The following TMEM132C variants were observed in gnomAD, a reference collection of about 807,000 sequenced individuals.
The protein encoded by TMEM132C is protein phosphatase 1, regulatory subunit 152.
Under a neutral mutation model 61.4 loss-of-function variants are expected in TMEM132C, and 29 were observed. The observed-to-expected ratio is 0.47, with a 90% CI of 0.35 to 0.64. The LOEUF (loss-of-function observed/expected upper bound fraction) is 0.64, where lower values mean the gene tolerates loss of function less well. Ranked by LOEUF, TMEM132C falls within the 30% of genes least tolerant of loss-of-function variation. The pLI is 0.00. For missense variants in TMEM132C, 1,408 were observed against 1,476.9 expected (o/e 0.95, Z 0.76); for synonymous variants, 656 against 633.1 (o/e 1.04, Z -0.54).
In TMEM132C at chr12:128,584,317, C is replaced by T. The variant is rs114147196; in HGVS notation, c.1122-31835C>T. ...TCTATGCATGAAAGTTGCAATATCACTGGAGGACCCAGAGCACATGTCACC... is the reference window on the plus strand; with the variant it reads ...TCTATGCATGAAAGTTGCAATATCATTGGAGGACCCAGAGCACATGTCACC... On this transcript the variant is annotated intron_variant, in intron 3 of 8. Transcript: ENST00000435159. 4.6e-3 allele frequency among the ~76,000 whole-genome samples: 703 copies of T among 152,328 alleles called. 5 individuals are homozygous for T. The highest frequency in any genetic ancestry group is 0.016 in the African/African-American group (669 of 41,576).
chr12:128,467,188 T>G (rs1200511882), intron 2 of TMEM132C, among the ~76,000 whole-genome samples: 2 of 152,206 alleles, frequency 1.3e-5, no homozygotes, highest in Non-Finnish European at 2.9e-5. Flanking sequence ...TATTTATATG[T>G]GCCATCATCT....
At chr12:128,362,782 A>G (rs1873747043) in intron 1 of TMEM132C, among the ~76,000 whole-genome samples, 1 of 152,234 alleles carries the variant, frequency 6.6e-6, no homozygotes, top group South Asian at 2.1e-4. Flanking sequence ...CATAAAATGC[A>G]AAACAGTGCA....
In TMEM132C at chr12:128,705,720, C is replaced by A. The variant is rs555926148; in HGVS notation, c.2752C>A (p.Arg918=). The A allele has an allele frequency of 1.7e-5, 26 of 1,551,276 alleles. No individual in the cohort carries two copies. The highest frequency in any genetic ancestry group is 2.3e-5 in the Non-Finnish European group (26 of 1,146,964). ...LEENDLVQTP[R]GLSDLEIGMY... is the part of the protein sequence containing the mutation. ...GGAAAACGACCTGGTGCAGACTCCGCGGGGCCTGAGTGATCTGGAGATAGG... is the reference window on the plus strand; with the variant it reads ...GGAAAACGACCTGGTGCAGACTCCGAGGGGCCTGAGTGATCTGGAGATAGG... The change falls in exon 9 of 9, where the codon CGG becomes AGG. Residue 918 remains arginine, a synonymous_variant. Transcript: ENST00000435159.
chr12:128,328,770 G>A (rs898558319), intron 1 of TMEM132C, among the ~76,000 whole-genome samples: 1 of 130,564 alleles, frequency 7.7e-6, no homozygotes, highest in African/African-American at 3.0e-5. Flanking sequence ...CTGGGTGACA[G>A]AGCAAGATTC....
At chr12:128,481,838 C>T (rs543317474) in intron 2 of TMEM132C, among the ~76,000 whole-genome samples, 1 of 152,154 alleles carries the variant, frequency 6.6e-6, no homozygotes, top group African/African-American at 2.4e-5. Context: ...CCTGGTGGAG[C>T]CCCTATTTCC....
At chr12:128,388,571 C>T (rs1874663812) in intron 1 of TMEM132C, among the ~76,000 whole-genome samples, 1 of 152,158 alleles carries the variant, frequency 6.6e-6, no homozygotes, top group African/African-American at 2.4e-5. Flanking sequence ...GAGAAGGTGT[C>T]GCTGAGTCTG....
intron 3 of TMEM132C, among the ~76,000 whole-genome samples, chr12:128,599,275 A>T (rs1156691614): frequency 6.6e-6 from 1 of 152,176 alleles, no homozygotes; most frequent in Non-Finnish European, 1.5e-5. Flanking sequence ...CTCCTTCTAC[A>T]CCTTTATAAC....
At chr12:128,420,356 T>C (rs1356995829) in intron 2 of TMEM132C, among the ~76,000 whole-genome samples, 3 of 152,192 alleles carry the variant, frequency 2.0e-5, no homozygotes, top group Non-Finnish European at 4.4e-5. Flanking sequence ...GAATCAAGCA[T>C]GGTCTTGGCA....
At chr12:128,583,392 C>CAAAAA (rs11327866) in intron 3 of TMEM132C, among the ~76,000 whole-genome samples, 2 of 130,248 alleles carry the variant, frequency 1.5e-5, no homozygotes, top group African/African-American at 3.1e-5. Flanking sequence ...GAATATTGGT[C>CAAAAA]AAAAAAAAAA....
chr12:128,618,772 G>A (rs149007687), intron 4 of TMEM132C, among the ~76,000 whole-genome samples: 4 of 152,270 alleles, frequency 2.6e-5, no homozygotes, highest in African/African-American at 7.2e-5. Flanking sequence ...CCAGCCACAC[G>A]GAATGGTGAG....
chr12:128,287,223 C>T (rs1020484802), intron 1 of TMEM132C, among the ~76,000 whole-genome samples: 1 of 152,190 alleles, frequency 6.6e-6, no homozygotes, highest in Non-Finnish European at 1.5e-5. Context: ...CCAGCCATTG[C>T]CAAATGTCCC....
intron 2 of TMEM132C, among the ~76,000 whole-genome samples, chr12:128,478,579 T>C (rs1871226531): frequency 6.6e-6 from 1 of 152,208 alleles, no homozygotes; most frequent in African/African-American, 2.4e-5. Flanking sequence ...CTGCTTCTAA[T>C]TGAACTGGTA....
At chr12:128,590,161 C>T (rs780305464) in intron 3 of TMEM132C, among the ~76,000 whole-genome samples, 12 of 152,198 alleles carry the variant, frequency 7.9e-5, no homozygotes, top group African/African-American at 2.7e-4. Context: ...CTGAAGCACA[C>T]GTGTACCCGT....
chr12:128,412,289 A>G (rs866078989), intron 1 of TMEM132C, among the ~76,000 whole-genome samples: 6 of 152,114 alleles, frequency 3.9e-5, no homozygotes, highest in African/African-American at 1.4e-4. Context: ...AACACCCTCC[A>G]TCTTTTCTCC....
At chr12:128,462,230 C>A (rs954780564) in intron 2 of TMEM132C, among the ~76,000 whole-genome samples, 41 of 152,160 alleles carry the variant, frequency 2.7e-4, no homozygotes, top group Non-Finnish European at 5.9e-4. Flanking sequence ...CGTCAGCCTC[C>A]TAGTAGCTAG....
intron 2 of TMEM132C, among the ~76,000 whole-genome samples, chr12:128,508,992 C>T (rs1319991147): frequency 1.3e-5 from 2 of 152,190 alleles, no homozygotes; most frequent in Non-Finnish European, 2.9e-5. Context: ...ATCTGCAAAT[C>T]CAGGCCCCAG....
chr12:128,575,757 A>C (rs1312305270), intron 3 of TMEM132C, among the ~76,000 whole-genome samples: 1 of 152,220 alleles, frequency 6.6e-6, no homozygotes, highest in East Asian at 1.9e-4. Context: ...GAATTGTAAA[A>C]TAGGTCAAGG....
rs149912082 is a variant in TMEM132C, at chr12:128,319,270, A to G, written c.85+51783A>G. On this transcript the variant is annotated intron_variant, in intron 1 of 8. Transcript: ENST00000435159. Reference sequence around the variant, plus strand: ...ACACTTATCAGTTAACAAGAACACAATGACCTTGTCAGAGGGTTGCTAATG... The same window carrying G: ...ACACTTATCAGTTAACAAGAACACAGTGACCTTGTCAGAGGGTTGCTAATG... 4.1e-4 allele frequency among the ~76,000 whole-genome samples: 63 copies of G among 152,240 alleles called. No homozygotes were observed. In the East Asian group the frequency reaches 6.8e-3, roughly 16 times the overall value.
At chr12:128,432,393 G>C (rs1401883858) in intron 2 of TMEM132C, among the ~76,000 whole-genome samples, 1 of 152,166 alleles carries the variant, frequency 6.6e-6, no homozygotes, top group African/African-American at 2.4e-5. Context: ...TTCTGGAAAG[G>C]ATTCACCATT....
Sources: allele counts gnomAD v4.1 joint callset (sites outside exome capture counted in the v4.1 genomes callset), GRCh38; gene constraint gnomAD v4.1.1; transcripts MANE v1.5; gene names NCBI Gene and HGNC (gene_info 2026-07-23, HGNC 2026-07-21).